Variants in SUPT3H observed in about 807,000 individuals in gnomAD.
SUPT3H encodes the protein SPT3 homolog, SAGA and STAGA complex component.
Under a neutral mutation model 44.3 loss-of-function variants are expected in SUPT3H, and 44 were observed. That is an observed-to-expected ratio of 0.99 (90% CI 0.78 to 1.28). The LOEUF (loss-of-function observed/expected upper bound fraction) is 1.28, where lower values mean the gene tolerates loss of function less well. Among genes scored for constraint, SUPT3H ranks in the 50% most tolerant of loss-of-function variants. The pLI is 0.00. For missense variants in SUPT3H, 380 were observed against 387.1 expected (o/e 0.98, Z 0.15); for synonymous variants, 124 against 125.6 (o/e 0.99, Z 0.09).
chr6:45,013,912 C>T (rs1158518851), intron 5 of SUPT3H, among the ~76,000 whole-genome samples: 2 of 152,074 alleles, frequency 1.3e-5, no homozygotes, highest in African/African-American at 4.8e-5. Context: ...TTAAATGCAA[C>T]AGACTCTCAA....
chr6:44,882,405 C>A (rs1778393210), intron 10 of SUPT3H, among the ~76,000 whole-genome samples: 2 of 152,124 alleles, frequency 1.3e-5, no homozygotes, highest in South Asian at 4.1e-4. Context: ...AGCCTACCAA[C>A]CAAAAAGAGT....
chr6:44,936,668 G>A (rs555103178), intron 9 of SUPT3H, among the ~76,000 whole-genome samples: 23 of 152,076 alleles, frequency 1.5e-4, no homozygotes, highest in African/African-American at 4.8e-4. Context: ...ATATTATTTC[G>A]TTCCTTATTT....
intron 2 of SUPT3H, among the ~76,000 whole-genome samples, chr6:45,198,600 T>C (rs981180184): frequency 3.3e-5 from 5 of 151,386 alleles, no homozygotes. Flanking sequence ...TAACAATGAA[T>C]CAATGTCTCA....
At chr6:44,916,174 T>G (rs1767776963) in intron 10 of SUPT3H, among the ~76,000 whole-genome samples, 1 of 152,196 alleles carries the variant, frequency 6.6e-6, no homozygotes, top group African/African-American at 2.4e-5. Flanking sequence ...AAAGCAGAAG[T>G]AGGAACTATT....
intron 2 of SUPT3H, among the ~76,000 whole-genome samples, chr6:45,353,772 A>C (rs1347961469): frequency 1.3e-5 from 2 of 152,114 alleles, no homozygotes; most frequent in African/African-American, 4.8e-5. Flanking sequence ...ATGAGCAATG[A>C]AAACTCATTT....
Position 44,898,174 on chromosome 6 carries a change from C to T in SUPT3H, c.912+34479G>A, listed in dbSNP as rs181967752. Among the ~76,000 whole-genome samples the T allele has an allele frequency of 2.8e-3, 432 of 152,260 alleles. 1 individual carries two copies. The highest frequency in any genetic ancestry group is 4.7e-3 in the Admixed American group (72 of 15,294). On this transcript the variant is annotated intron_variant, in intron 10 of 10. Coordinates refer to ENST00000371459, the MANE Select transcript of SUPT3H (RefSeq NM_003599.4). ...GATCTCTTATCCTAAAGATTATATC[C>T]TTCTTAAGGTATGGTGGTAGCCAGC...
At chr6:44,824,627 G>C (rs1767603902), downstream of SUPT3H, among the ~76,000 whole-genome samples, 1 of 152,180 alleles carries the variant, frequency 6.6e-6, no homozygotes, top group Non-Finnish European at 1.5e-5. Context: ...GCTGCTGACT[G>C]GGTGTGGTGG....
rs1046661847 is a variant in SUPT3H, at chr6:45,064,156, A to G, written c.186+41766T>C. Among the ~76,000 whole-genome samples the G allele has an allele frequency of 1.4e-3, 159 of 115,922 alleles. 3 individuals carry two copies. Among genetic ancestry groups the G allele is most frequent in the African/African-American group, 5.9e-3 (153 of 25,970 alleles). The allele number at this position is 115,922 out of a possible 152,430, so 76.0% of individuals were successfully genotyped here. A position where few individuals can be genotyped will look rare whatever the true frequency, so the allele number is the denominator to read the frequency against. ...CAGAAGAGAATGGGGGCCAATATTC[A>G]ACATTCTTAAAGAAAAGAATTTTCA... On this transcript the variant is annotated intron_variant, in intron 3 of 10. Transcript: ENST00000371459.
intron 2 of SUPT3H, among the ~76,000 whole-genome samples, chr6:45,177,948 C>T (rs896893006): frequency 1.2e-4 from 18 of 152,074 alleles, no homozygotes; most frequent in Admixed American, 3.3e-4. Flanking sequence ...ACAACCGGTA[C>T]CAGCTGCTGC....
At chr6:45,185,029 T>C (rs1163730026) in intron 2 of SUPT3H, among the ~76,000 whole-genome samples, 1 of 152,130 alleles carries the variant, frequency 6.6e-6, no homozygotes, top group Non-Finnish European at 1.5e-5. Context: ...ATCAGGAAGT[T>C]TGGCAGGCTA....
intron 9 of SUPT3H, among the ~76,000 whole-genome samples, chr6:44,950,865 T>C (rs917487598): frequency 1.3e-5 from 2 of 149,740 alleles, no homozygotes; most frequent in Admixed American, 6.7e-5. Flanking sequence ...TTATTTTTTA[T>C]TATACTTTAA....
chr6:45,168,060 C>T (rs1334476892), intron 2 of SUPT3H, among the ~76,000 whole-genome samples: 1 of 152,124 alleles, frequency 6.6e-6, no homozygotes, highest in Non-Finnish European at 1.5e-5. Flanking sequence ...ATCCACCCAC[C>T]TCGGCCTCCC....
intron 10 of SUPT3H, among the ~76,000 whole-genome samples, chr6:44,884,991 G>C (rs1277501919): frequency 6.6e-6 from 1 of 152,132 alleles, no homozygotes; most frequent in African/African-American, 2.4e-5. Flanking sequence ...AGGGTCCTAC[G>C]CCCACGGAGT....
chr6:45,328,157 G>C (rs1459913172), intron 2 of SUPT3H: 27 of 683,510 alleles, frequency 4.0e-5, no homozygotes, highest in Non-Finnish European at 5.6e-5. Context: ...CCTTTTGTGA[G>C]AGAAAGAGAG....
intron 2 of SUPT3H, among the ~76,000 whole-genome samples, chr6:45,278,281 TA>T (rs2153664918): frequency 6.6e-6 from 1 of 152,120 alleles, no homozygotes; most frequent in South Asian, 2.1e-4. Context: ...ATCCCAGAAC[TA>T]AAAGTATAAT....
chr6:45,193,435 T>C (rs1815471548), intron 2 of SUPT3H, among the ~76,000 whole-genome samples: 1 of 152,204 alleles, frequency 6.6e-6, no homozygotes, highest in Admixed American at 6.5e-5. Flanking sequence ...AAAAAGCTTC[T>C]GTAATGTCAA....
chr6:45,158,298 A>ATATATATTTTTTTTTTTTT, intron 2 of SUPT3H, among the ~76,000 whole-genome samples: 4 of 99,686 alleles, frequency 4.0e-5, no homozygotes, highest in African/African-American at 1.5e-4. Flanking sequence ...ATATATATAT[A>ATATATATTTTTTTTTTTTT]TTTTTTTTTT....
chr6:45,062,639 C>A (rs1792334978), intron 3 of SUPT3H, among the ~76,000 whole-genome samples: 1 of 152,206 alleles, frequency 6.6e-6, no homozygotes, highest in Non-Finnish European at 1.5e-5. Flanking sequence ...CGAGGCATTG[C>A]CTCACCTGGG....
intron 10 of SUPT3H, among the ~76,000 whole-genome samples, chr6:44,908,966 A>G (rs996025901): frequency 6.6e-6 from 1 of 152,188 alleles, no homozygotes; most frequent in Non-Finnish European, 1.5e-5. Flanking sequence ...CTATCTCCTC[A>G]GCAACAACTA....
Sources: allele counts gnomAD v4.1 joint callset (sites outside exome capture counted in the v4.1 genomes callset), GRCh38; gene constraint gnomAD v4.1.1; transcripts MANE v1.5; gene names NCBI Gene and HGNC (gene_info 2026-07-23, HGNC 2026-07-21).